The following BANP variants were observed in gnomAD, a reference collection of about 807,000 sequenced individuals.
The protein encoded by BANP is protein BANP.
In BANP, 11 loss-of-function variants were observed where a neutral mutation model predicts 68.1. The observed-to-expected ratio is 0.16, with a 90% CI of 0.10 to 0.27. The LOEUF is 0.27. BANP is among the 10% of genes least tolerant of loss of function. The probability of loss-of-function intolerance (pLI) is 1.00; values close to 1 mark genes in which losing one functional copy is unlikely to be tolerated. For synonymous variants in BANP, 329 were observed against 303.2 expected (o/e 1.09, Z -0.88); for missense variants, 504 against 722.7 (o/e 0.70, Z 3.47).
chr16:88,027,157 A>G (rs2077160877), intron 7 of BANP, among the ~76,000 whole-genome samples: 1 of 152,228 alleles, frequency 6.6e-6, no homozygotes, highest in South Asian at 2.1e-4. Flanking sequence ...TGGGGCGTGG[A>G]AGGTCTGGGA....
intron 6 of BANP, among the ~76,000 whole-genome samples, chr16:88,012,680 A>G (rs6540143): frequency 0.97 from 148,326 of 152,330 alleles, 72,321 homozygotes; most frequent in East Asian, 1. Flanking sequence ...TTCCCAGGAC[A>G]TTCATGGAAG....
intron 2 of BANP, among the ~76,000 whole-genome samples, chr16:87,980,122 C>T (rs1472199183): frequency 6.6e-6 from 1 of 152,192 alleles, no homozygotes; most frequent in Non-Finnish European, 1.5e-5. Flanking sequence ...GTGCACTAGA[C>T]AGTTCACACT....
chr16:88,057,136 T>C lies in BANP; in HGVS notation c.1312-8131T>C, dbSNP rs1258145430. Among the ~76,000 whole-genome samples, 4 of 152,230 alleles carry C rather than the reference T, an allele frequency of 2.6e-5. No individual in the cohort carries two copies. Among genetic ancestry groups the C allele is most frequent in the Admixed American group, 6.5e-5 (1 of 15,292 alleles). On this transcript the variant is annotated intron_variant, in intron 11 of 13. Transcript: ENST00000682872. This position sits in a 1 kb window ranked among gnomAD's most constrained non-coding sequence, Gnocchi z 4.6. The stretch of plus-strand genomic sequence containing the variant: ...TTCTGAGACTTTTCTGTTGCCGTTG[T>C]TGAGCTGTGTCTGCCTTTTCTGGTG...
At chr16:88,035,515 G>A in intron 10 of BANP, 121 bp downstream of exon 10, 3 of 921,740 alleles carry the variant, frequency 3.3e-6, no homozygotes, top group East Asian at 2.7e-5. Context: ...CGTGGGCAAG[G>A]GCTGCAGGAC....
intron 4 of BANP, among the ~76,000 whole-genome samples, chr16:87,985,488 A>C (rs1567666171): frequency 6.6e-6 from 1 of 152,038 alleles, no homozygotes; most frequent in Non-Finnish European, 1.5e-5. Flanking sequence ...TGTTAGACCC[A>C]ATGCCTTTTT....
intron 1 of BANP, among the ~76,000 whole-genome samples, chr16:87,955,959 G>T (rs1011608357): frequency 6.6e-6 from 1 of 152,170 alleles, no homozygotes; most frequent in Non-Finnish European, 1.5e-5. Flanking sequence ...GCAGGCAGGT[G>T]GCCAGGTGAT....
chr16:87,979,832 A>G (rs1414461383), intron 2 of BANP, among the ~76,000 whole-genome samples: 2 of 152,218 alleles, frequency 1.3e-5, no homozygotes, highest in African/African-American at 2.4e-5. Flanking sequence ...ACTTAAACCT[A>G]TTAACCTGGA....
At chr16:87,973,753 CAAAAAA>C (rs58334556) in intron 1 of BANP, among the ~76,000 whole-genome samples, 140 of 99,440 alleles carry the variant, frequency 1.4e-3, no homozygotes, top group Admixed American at 1.9e-3. Flanking sequence ...AACTCCATCA[CAAAAAA>C]AAAAAAAAAA....
rs549111657 is a variant in BANP at position 88,025,596 on chromosome 16, A to T, written c.896-1887A>T. ...GTTTCTTTTTGTCTGCAGCACAGAC[A>T]GGTTGGTTGTGATTATACAGAGATT... On this transcript the variant is annotated intron_variant, in intron 7 of 13. Transcript: ENST00000682872. 6.3e-4 allele frequency among the ~76,000 whole-genome samples: 96 copies of T among 152,298 alleles called. 1 individual carries two copies. In the South Asian group the frequency reaches 0.019, roughly 31 times the overall value.
At chr16:87,952,653 A>C (rs561671060) in intron 1 of BANP, 8 of 152,362 alleles carry the variant, frequency 5.3e-5, no homozygotes, top group African/African-American at 1.9e-4. Flanking sequence ...GCTCGCAGAT[A>C]TCCAGTGCTA....
chr16:87,977,279 C>A (rs181189915), intron 2 of BANP, among the ~76,000 whole-genome samples: 25 of 152,250 alleles, frequency 1.6e-4, no homozygotes, highest in Admixed American at 1.5e-3. Flanking sequence ...ATTAGCCGGG[C>A]GTGGTGGCGG....
At chr16:88,030,762 G>A (rs2078005937) in intron 8 of BANP, among the ~76,000 whole-genome samples, 1 of 152,202 alleles carries the variant, frequency 6.6e-6, no homozygotes, top group Non-Finnish European at 1.5e-5. Flanking sequence ...TGGTTGCAAG[G>A]TGCACTCTGG....
At chr16:87,989,395 T>C (rs2065290770) in intron 4 of BANP, among the ~76,000 whole-genome samples, 2 of 152,250 alleles carry the variant, frequency 1.3e-5, no homozygotes, top group African/African-American at 2.4e-5. Flanking sequence ...GCATTCGTTA[T>C]GTCACATGGT....
At chr16:87,967,245 G>T (rs2060186029) in intron 1 of BANP, among the ~76,000 whole-genome samples, 2 of 143,694 alleles carry the variant, frequency 1.4e-5, no homozygotes, top group South Asian at 4.4e-4. Flanking sequence ...CTTTTTCCTG[G>T]AAAAGGTTCT....
At chr16:88,062,212 T>C (rs1430954979) in intron 11 of BANP, among the ~76,000 whole-genome samples, 1 of 152,174 alleles carries the variant, frequency 6.6e-6, no homozygotes, top group East Asian at 1.9e-4. Context: ...TTCTTTTGTT[T>C]GGTTTTGCGT....
intron 11 of BANP, among the ~76,000 whole-genome samples, chr16:88,041,346 G>A (rs1268009155): frequency 1.3e-5 from 2 of 152,150 alleles, no homozygotes; most frequent in Admixed American, 6.5e-5. Flanking sequence ...TGGTGGCTGC[G>A]GTGCTGGGAA....
At chr16:88,073,224 GTCCC>G (rs2090803617) in intron 13 of BANP, among the ~76,000 whole-genome samples, 1 of 152,242 alleles carries the variant, frequency 6.6e-6, no homozygotes, top group African/African-American at 2.4e-5. Context: ...CGGTTCTGCA[GTCCC>G]TCAGCCGCGA....
rs1041729987 is a variant in BANP at position 88,004,832 on chromosome 16, T to C, written c.479+421T>C. ...TGTTGAGTTTATGACTTTTTTCTTA[T>C]ACCTTTTTCTCTTGAGACATTTTGA... On this transcript the variant is annotated intron_variant, in intron 5 of 13. Transcript: ENST00000682872. The surrounding 1 kb of genome is among the most constrained non-coding windows in gnomAD (Gnocchi z 7.0). Among the ~76,000 whole-genome samples, 1 of 152,184 alleles carries C rather than the reference T, an allele frequency of 6.6e-6. No individual in the cohort carries two copies. The highest frequency in any genetic ancestry group is 2.4e-5 in the African/African-American group (1 of 41,454).
At chr16:87,965,202 C>T (rs187340092) in intron 1 of BANP, among the ~76,000 whole-genome samples, 3 of 152,096 alleles carry the variant, frequency 2.0e-5, no homozygotes, top group Non-Finnish European at 2.9e-5. Context: ...GGGGAGGAGC[C>T]GGAATGAGCC....
Sources: gnomAD v4.1 joint callset for allele counts (sites outside exome capture counted in the v4.1 genomes callset) on GRCh38, gnomAD v4.1.1 for gene constraint, Gnocchi (gnomAD v3.1) non-coding constraint, MANE v1.5 for transcripts, NCBI Gene and HGNC (gene_info 2026-07-23, HGNC 2026-07-21) for gene names.